SDC2: variants seen among roughly 807,000 people sequenced by gnomAD.
SDC2 encodes the protein syndecan-2.
Under a neutral mutation model 22.2 loss-of-function variants are expected in SDC2, and 13 were observed. The ratio of observed to expected loss-of-function variants is 0.59; its 90% CI spans 0.38 to 0.93. SDC2 has a LOEUF of 0.93. Among genes scored for constraint, SDC2 ranks in the 40% least tolerant of loss-of-function variants. The pLI, the probability that SDC2 is intolerant of heterozygous loss-of-function variation, is 0.00. For missense variants in SDC2, 235 were observed against 246.8 expected (o/e 0.95, Z 0.32); for synonymous variants, 94 against 92.8 (o/e 1.01, Z -0.07).
chr8:96,518,669 T>C (rs1813447920), intron 1 of SDC2, among the ~76,000 whole-genome samples: 1 of 152,212 alleles, frequency 6.6e-6, no homozygotes. Flanking sequence ...CCTTGAGAGC[T>C]TTTAACTACA....
chr8:96,518,255 G>C (rs1370120126), intron 1 of SDC2, among the ~76,000 whole-genome samples: 1 of 151,528 alleles, frequency 6.6e-6, no homozygotes, highest in Non-Finnish European at 1.5e-5. Context: ...ATTTTTAATG[G>C]TAAAAAATGC....
At chr8:96,520,697 C>T (rs1214113155) in intron 1 of SDC2, among the ~76,000 whole-genome samples, 1 of 152,188 alleles carries the variant, frequency 6.6e-6, no homozygotes, top group Non-Finnish European at 1.5e-5. Flanking sequence ...CCGGAACAGG[C>T]CTGGTGCCAG....
At chr8:96,576,710 C>T (rs539406962) in intron 1 of SDC2, among the ~76,000 whole-genome samples, 3 of 151,718 alleles carry the variant, frequency 2.0e-5, no homozygotes, top group African/African-American at 7.3e-5. Context: ...TGAGCCACCG[C>T]GCCCGGCCTA....
intron 1 of SDC2, 123 bp downstream of exon 1, chr8:96,494,454 C>G: frequency 2.4e-6 from 2 of 851,006 alleles, no homozygotes; most frequent in Non-Finnish European, 3.5e-6. Context: ...CACCGGAGAT[C>G]CGCTGGGACA....
At chr8:96,570,754 T>A (rs1814380330) in intron 1 of SDC2, among the ~76,000 whole-genome samples, 1 of 152,230 alleles carries the variant, frequency 6.6e-6, no homozygotes, top group African/African-American at 2.4e-5. Context: ...TTGATTATAT[T>A]TTAAGTGTTC....
intron 3 of SDC2, 104 bp from the exon 4 acceptor site, chr8:96,608,231 A>G: frequency 9.7e-7 from 1 of 1,032,464 alleles, no homozygotes; most frequent in South Asian, 1.7e-5. Flanking sequence ...TCCTAAACTC[A>G]TTCTTTGGGG....
At chr8:96,534,733 G>T (rs1330858262) in intron 1 of SDC2, among the ~76,000 whole-genome samples, 1 of 151,844 alleles carries the variant, frequency 6.6e-6, no homozygotes, top group Non-Finnish European at 1.5e-5. Flanking sequence ...CACTGTGCCT[G>T]GCTGGCCTTT....
intron 1 of SDC2, among the ~76,000 whole-genome samples, chr8:96,517,771 ATGTGTG>A (rs34151563): frequency 0.021 from 3,208 of 149,456 alleles, 89 homozygotes; most frequent in African/African-American, 0.062. Context: ...GTGTGTGTGC[ATGTGTG>A]TGTGTGTGTG....
chr8:96,579,813 T>C (rs1256775657), intron 1 of SDC2, among the ~76,000 whole-genome samples: 1 of 152,216 alleles, frequency 6.6e-6, no homozygotes, highest in East Asian at 1.9e-4. Flanking sequence ...ATGGCTTTCT[T>C]TTATCTGCTA....
At chr8:96,506,853 C>G (rs1241544909) in intron 1 of SDC2, among the ~76,000 whole-genome samples, 1 of 151,676 alleles carries the variant, frequency 6.6e-6, no homozygotes, top group African/African-American at 2.4e-5. Flanking sequence ...ACTAAAAATA[C>G]AAAAAATTAG....
At chr8:96,585,600 T>G (rs1814669848) in intron 1 of SDC2, among the ~76,000 whole-genome samples, 1 of 152,114 alleles carries the variant, frequency 6.6e-6, no homozygotes, top group African/African-American at 2.4e-5. Context: ...GGGACATCAT[T>G]CAGTTAAATA....
intron 1 of SDC2, among the ~76,000 whole-genome samples, chr8:96,510,710 A>G (rs572204247): frequency 2.0e-4 from 30 of 152,192 alleles, no homozygotes; most frequent in Non-Finnish European, 3.7e-4. Context: ...AAAATGAACC[A>G]TTTACTATGA....
intron 1 of SDC2, among the ~76,000 whole-genome samples, chr8:96,548,229 A>T (rs932534107): frequency 6.6e-6 from 1 of 152,228 alleles, no homozygotes; most frequent in Non-Finnish European, 1.5e-5. Context: ...AAAATGCAGA[A>T]ATTAAAATCA....
chr8:96,581,633 T>TA (rs5893393), intron 1 of SDC2, among the ~76,000 whole-genome samples: 54,252 of 145,634 alleles, frequency 0.37, 12,017 homozygotes, highest in Non-Finnish European at 0.51. Flanking sequence ...CTCTGTCTCT[T>TA]AAAAAAAAAA....
chr8:96,578,159 T>G (rs1032477001), intron 1 of SDC2, among the ~76,000 whole-genome samples: 12 of 152,238 alleles, frequency 7.9e-5, no homozygotes, highest in African/African-American at 2.9e-4. Flanking sequence ...CTTCTGTTAA[T>G]GTACAGTTAA....
chr8:96,560,251 AT>A (rs1334104314), intron 1 of SDC2, among the ~76,000 whole-genome samples: 1 of 152,132 alleles, frequency 6.6e-6, no homozygotes, highest in African/African-American at 2.4e-5. Context: ...GTTACTCTGG[AT>A]TTTGTTATCA....
chr8:96,529,343 AG>A (rs1313763497), intron 1 of SDC2: 1 of 152,236 alleles, frequency 6.6e-6, no homozygotes, highest in Non-Finnish European at 1.5e-5. Context: ...ATTGACTTAC[AG>A]GTAATTTTTA....
chr8:96,606,485 A>G lies in SDC2; in HGVS notation c.307-1850A>G, dbSNP rs1468757566. Reference sequence around the variant, plus strand: ...TCTCTAATCCACTGGTTCTTAAACTATGGAATTGTCTGGAGAACTTAAATA... The same window carrying G: ...TCTCTAATCCACTGGTTCTTAAACTGTGGAATTGTCTGGAGAACTTAAATA... On this transcript the variant is annotated intron_variant, in intron 3 of 4. Coordinates refer to ENST00000302190, the MANE Select transcript of SDC2 (RefSeq NM_002998.4). Among the ~76,000 whole-genome samples, 7 of 152,214 alleles carry G rather than the reference A, an allele frequency of 4.6e-5. No individual in the cohort carries two copies. In the South Asian group the frequency reaches 6.2e-4, roughly 13 times the overall value.
At chr8:96,518,277 A>G (rs554248981) in intron 1 of SDC2, among the ~76,000 whole-genome samples, 13 of 152,206 alleles carry the variant, frequency 8.5e-5, no homozygotes, top group Admixed American at 7.9e-4. Flanking sequence ...TGACAGAAAA[A>G]AAAAGAAAAA....
Sources: allele counts gnomAD v4.1 joint callset (sites outside exome capture counted in the v4.1 genomes callset), GRCh38; gene constraint gnomAD v4.1.1; transcripts MANE v1.5; gene names NCBI Gene and HGNC (gene_info 2026-07-23, HGNC 2026-07-21).